The following MCC variants were observed in gnomAD, a reference collection of about 807,000 sequenced individuals.
The protein encoded by MCC is MCC regulator of Wnt signaling pathway.
In MCC, 90 loss-of-function variants were observed where a neutral mutation model predicts 116.2. That is an observed-to-expected ratio of 0.77 (90% CI 0.65 to 0.92). MCC has a LOEUF of 0.92. Ranked by LOEUF, MCC falls within the 40% of genes least tolerant of loss-of-function variation. The pLI is 0.00. For missense variants in MCC, 1,516 were observed against 1,312.2 expected, an observed-to-expected ratio of 1.16 and a Z score of -2.40; for synonymous variants, 578 against 510.5, an observed-to-expected ratio of 1.13 and a Z score of -1.78.
Position 113,434,815 on chromosome 5 carries a change from G to A in MCC, c.171-49603C>T, listed in dbSNP as rs767886872. On this transcript the variant is annotated intron_variant, in intron 1 of 18. Transcript: ENST00000408903. This position sits in a 1 kb window ranked among gnomAD's most constrained non-coding sequence, Gnocchi z 4.2. Reference sequence around the variant, plus strand: ...TTTATCCCCAGGAGGTAGCCTCGTCGCTTGAGGACAGCAGCGTCATCCATG... The same window carrying A: ...TTTATCCCCAGGAGGTAGCCTCGTCACTTGAGGACAGCAGCGTCATCCATG... 1.7e-5 allele frequency: 28 copies of A among 1,610,868 alleles called. No individual in the cohort carries two copies. Among genetic ancestry groups the A allele is most frequent in the East Asian group, 2.2e-5 (1 of 44,800 alleles).
intron 3 of MCC, among the ~76,000 whole-genome samples, chr5:113,254,513 G>C (rs997956896): frequency 6.6e-6 from 1 of 152,074 alleles, no homozygotes; most frequent in African/African-American, 2.4e-5. Context: ...CTGTAAATGA[G>C]AAAACAGGCA....
intron 1 of MCC, among the ~76,000 whole-genome samples, chr5:113,440,731 T>C (rs1396561957): frequency 2.0e-5 from 3 of 151,954 alleles, no homozygotes; most frequent in African/African-American, 7.3e-5. Context: ...AGAAACTAAT[T>C]TTCAGTAGAT....
chr5:113,079,997 T>C (rs2150240944), intron 11 of MCC, among the ~76,000 whole-genome samples: 1 of 152,330 alleles, frequency 6.6e-6, no homozygotes, highest in East Asian at 1.9e-4. Flanking sequence ...GTGAAGGATA[T>C]GAACAGACAC....
chr5:113,466,000 G>T (rs1018866916), intron 1 of MCC, among the ~76,000 whole-genome samples: 1 of 151,322 alleles, frequency 6.6e-6, no homozygotes, highest in Non-Finnish European at 1.5e-5. Context: ...GCGGTGGCGC[G>T]ATCTCGGCTC....
chr5:113,132,443 TACACACACACACACACACACACACACAC>T (rs140363649), intron 5 of MCC, among the ~76,000 whole-genome samples: 6 of 36,556 alleles, frequency 1.6e-4, no homozygotes, highest in Admixed American at 3.2e-4. Context: ...TATATATATA[TACACACACACACACACACACACACACAC>T]ACACACATAC....
intron 3 of MCC, among the ~76,000 whole-genome samples, chr5:113,174,349 G>C (rs775846376): frequency 2.6e-4 from 40 of 152,202 alleles, no homozygotes; most frequent in Non-Finnish European, 5.3e-4. Context: ...CTACACTGCT[G>C]GTATGGATCA....
At chr5:113,063,615 C>T (rs1423608457) in intron 14 of MCC, among the ~76,000 whole-genome samples, 1 of 152,146 alleles carries the variant, frequency 6.6e-6, no homozygotes, top group Non-Finnish European at 1.5e-5. Context: ...CCATTTGGAG[C>T]AAACGGCTCT....
At chr5:113,176,891 G>C (rs1163326240) in intron 3 of MCC, among the ~76,000 whole-genome samples, 1 of 152,104 alleles carries the variant, frequency 6.6e-6, no homozygotes, top group African/African-American at 2.4e-5. Flanking sequence ...TGCTTGTCTA[G>C]ATTGCAGGAA....
intron 3 of MCC, among the ~76,000 whole-genome samples, chr5:113,229,949 C>T (rs943861093): frequency 6.6e-6 from 1 of 152,168 alleles, no homozygotes; most frequent in Non-Finnish European, 1.5e-5. Context: ...CAAAATGTAT[C>T]CCAGTTGTTA....
At chr5:113,354,623 CG>C (rs1768364786) in intron 2 of MCC, among the ~76,000 whole-genome samples, 1 of 151,522 alleles carries the variant, frequency 6.6e-6, no homozygotes, top group Non-Finnish European at 1.5e-5. Context: ...TTAGGAGAGA[CG>C]GGGTTTCACC....
At chr5:113,214,261 C>G (rs1763232334) in intron 3 of MCC, among the ~76,000 whole-genome samples, 1 of 152,190 alleles carries the variant, frequency 6.6e-6, no homozygotes, top group African/African-American at 2.4e-5. Context: ...AGCTGAGAAA[C>G]AGCCCCACTC....
chr5:113,332,820 A>C (rs1767732497), intron 3 of MCC, among the ~76,000 whole-genome samples: 1 of 151,742 alleles, frequency 6.6e-6, no homozygotes, highest in African/African-American at 2.4e-5. Context: ...ACTTCAATTA[A>C]TAGCAAATAG....
At chr5:113,227,324 A>G (rs529351124) in intron 3 of MCC, among the ~76,000 whole-genome samples, 36 of 149,428 alleles carry the variant, frequency 2.4e-4, no homozygotes, top group African/African-American at 8.4e-4. Context: ...ACCAGAAAAT[A>G]TAAGTCTGTT....
chr5:113,295,519 C>G (rs1766683741), intron 3 of MCC, among the ~76,000 whole-genome samples: 1 of 152,172 alleles, frequency 6.6e-6, no homozygotes, highest in Admixed American at 6.5e-5. Context: ...CCTCAACCCC[C>G]ATCCCTTGAA....
At chr5:113,085,133 C>T (rs781273214) in intron 9 of MCC, 31 bp downstream of exon 9, 28 of 1,613,586 alleles carry the variant, frequency 1.7e-5, no homozygotes, top group Non-Finnish European at 2.4e-5. Flanking sequence ...GGAGGTGTTC[C>T]CGCTCATCGG....
chr5:113,164,416 C>G (rs936814031), intron 3 of MCC, among the ~76,000 whole-genome samples: 8 of 152,318 alleles, frequency 5.3e-5, no homozygotes, highest in Non-Finnish European at 7.4e-5. Flanking sequence ...AAGTAACTCA[C>G]TCTATCAGTA....
chr5:113,138,323 C>T (rs1303274543), intron 5 of MCC, among the ~76,000 whole-genome samples: 1 of 152,162 alleles, frequency 6.6e-6, no homozygotes, highest in African/African-American at 2.4e-5. Context: ...CGCCAAAATT[C>T]TTATGTTGAA....
rs768219364 is a variant in MCC at position 113,340,561 on chromosome 5, A to C, written c.585T>G (p.Ile195Met). The change falls in exon 3 of 19, where the codon ATT becomes ATG. Residue 195 changes from isoleucine (I) to methionine (M), a missense_variant. Physicochemically the swap from Ile to Met is conservative, Grantham distance 10. Transcript: ENST00000408903. The part of the protein sequence containing the change: ...LHKLLTQSPH[I>M]GNSVGGSYLE... ...GATAGCTTCCTCCTACAGAGTTGCC[A>C]ATGTGCGGGGACTGTGTGAGCAGTT... is the stretch of plus-strand genomic sequence containing the variant. 3.1e-6 allele frequency: 5 copies of C among 1,614,194 alleles called. No individual in the cohort carries two copies. The South Asian group carries it at 3.3e-5, about 11-fold the overall frequency.
chr5:113,456,773 T>C (rs965156098), intron 1 of MCC, among the ~76,000 whole-genome samples: 2 of 145,912 alleles, frequency 1.4e-5, no homozygotes, highest in Non-Finnish European at 3.0e-5. Flanking sequence ...GCCCGGCCAA[T>C]GAGCACTACT....
Sources: allele counts gnomAD v4.1 joint callset (sites outside exome capture counted in the v4.1 genomes callset), GRCh38; gene constraint gnomAD v4.1.1; non-coding constraint Gnocchi (gnomAD v3.1); transcripts MANE v1.5; gene names NCBI Gene and HGNC (gene_info 2026-07-23, HGNC 2026-07-21).